Variants in CA10 observed in about 807,000 individuals in gnomAD.
CA10 encodes the protein carbonic anhydrase-related protein 10.
CA10 carries 14 observed loss-of-function variants against 44.2 expected under a neutral mutation model. That is an observed-to-expected ratio of 0.32 (90% CI 0.21 to 0.50). The LOEUF is 0.50. CA10 is among the 20% of genes least tolerant of loss of function. The probability of loss-of-function intolerance (pLI) is 0.99; values close to 1 mark genes in which losing one functional copy is unlikely to be tolerated. For synonymous variants in CA10, 159 were observed against 141.6 expected, an observed-to-expected ratio of 1.12 and a Z score of -0.87; for missense variants, 350 against 409.7, an observed-to-expected ratio of 0.85 and a Z score of 1.26.
In CA10 at chr17:51,859,355, C is replaced by T. The variant is rs1273070794; in HGVS notation, c.279+71635G>A. Among the ~76,000 whole-genome samples the T allele has an allele frequency of 3.9e-5, 6 of 152,320 alleles. No individual in the cohort carries two copies. In the East Asian group the frequency reaches 9.6e-4, roughly 24 times the overall value. ...CCTGGCCATGTCTGTAAGTGAGTGA[C>T]AGCAGGTAAACAATTGTCAGCATCC... On this transcript the variant is annotated intron_variant, in intron 3 of 8. Transcript: ENST00000451037.
At chr17:51,698,327 C>T (rs1478332100) in intron 4 of CA10, among the ~76,000 whole-genome samples, 2 of 152,226 alleles carry the variant, frequency 1.3e-5, no homozygotes, top group Admixed American at 1.3e-4. Flanking sequence ...CTGGACGAAA[C>T]AAGTCTTCTT....
intron 1 of CA10, among the ~76,000 whole-genome samples, chr17:52,091,958 C>T (rs563654346): frequency 6.6e-6 from 1 of 152,246 alleles, no homozygotes; most frequent in African/African-American, 2.4e-5. Context: ...AAGTATATGC[C>T]GCCTATGCTC....
At chr17:51,654,062 G>A (rs541898458) in intron 4 of CA10, among the ~76,000 whole-genome samples, 21 of 152,306 alleles carry the variant, frequency 1.4e-4, no homozygotes, top group African/African-American at 3.8e-4. Flanking sequence ...TATTAGGAAC[G>A]GAACTGCCCT....
At chr17:51,646,886 G>A (rs1005967481) in intron 6 of CA10, among the ~76,000 whole-genome samples, 2 of 152,180 alleles carry the variant, frequency 1.3e-5, no homozygotes, top group African/African-American at 4.8e-5. Flanking sequence ...TGTGACAAAG[G>A]TCACTACAGA....
intron 3 of CA10, among the ~76,000 whole-genome samples, chr17:51,857,045 T>C (rs77201913): frequency 0.05 from 7,625 of 152,298 alleles, 267 homozygotes; most frequent in Non-Finnish European, 0.076. Flanking sequence ...GAGCAATTCA[T>C]TTGTTTTGAG....
At chr17:52,133,683 C>T (rs1567744163) in intron 1 of CA10, among the ~76,000 whole-genome samples, 1 of 152,202 alleles carries the variant, frequency 6.6e-6, no homozygotes, top group African/African-American at 2.4e-5. Flanking sequence ...GCCATACCCT[C>T]TTCTGGCCTC....
intron 3 of CA10, among the ~76,000 whole-genome samples, chr17:51,870,002 C>G (rs1979729310): frequency 6.6e-6 from 1 of 152,178 alleles, no homozygotes; most frequent in South Asian, 2.1e-4. Context: ...GTCATCACAG[C>G]CAATCCTCAG....
intron 3 of CA10, among the ~76,000 whole-genome samples, chr17:51,849,183 GTA>G (rs56120539): frequency 0.1 from 7,483 of 73,744 alleles, 338 homozygotes; most frequent in South Asian, 0.19. Context: ...ATACATATAT[GTA>G]TATATATATA....
At chr17:51,664,004 A>T (rs1914114356) in intron 4 of CA10, among the ~76,000 whole-genome samples, 1 of 152,068 alleles carries the variant, frequency 6.6e-6, no homozygotes, top group African/African-American at 2.4e-5. Context: ...CTCTTTTAGG[A>T]TTGTTGCTAT....
At chr17:51,682,645 T>A (rs1914883610) in intron 4 of CA10, among the ~76,000 whole-genome samples, 1 of 152,212 alleles carries the variant, frequency 6.6e-6, no homozygotes, top group Non-Finnish European at 1.5e-5. Flanking sequence ...ACCCAAAGGC[T>A]TCATCCCATT....
At chr17:52,145,974 T>A (rs1989574221) in intron 1 of CA10, among the ~76,000 whole-genome samples, 1 of 152,114 alleles carries the variant, frequency 6.6e-6, no homozygotes, top group Non-Finnish European at 1.5e-5. Context: ...ACAACATATA[T>A]GCTTAAAAAC....
intron 1 of CA10, among the ~76,000 whole-genome samples, chr17:52,135,242 C>G (rs1037578845): frequency 6.6e-6 from 1 of 152,172 alleles, no homozygotes; most frequent in Non-Finnish European, 1.5e-5. Flanking sequence ...GAAACTAGCT[C>G]TTTGGAAAGA....
At chr17:51,716,982 T>A (rs146649367) in intron 4 of CA10, among the ~76,000 whole-genome samples, 112 of 152,276 alleles carry the variant, frequency 7.4e-4, no homozygotes, top group African/African-American at 2.4e-3. Context: ...ACTTGAGTAA[T>A]CTATGCAATA....
intron 1 of CA10, among the ~76,000 whole-genome samples, chr17:52,092,805 T>C (rs192161366): frequency 3.9e-5 from 6 of 152,342 alleles, no homozygotes; most frequent in African/African-American, 9.6e-5. Context: ...TTGAATACCA[T>C]GGAGCTCATC....
Position 52,035,257 on chromosome 17 carries a change from A to G in CA10, c.136+37062T>C, listed in dbSNP as rs142509379. On this transcript the variant is annotated intron_variant, in intron 2 of 8. Coordinates refer to ENST00000451037, the MANE Select transcript of CA10 (RefSeq NM_020178.5). Reference sequence around the variant, plus strand: ...GAGGAGCAGCTGGATGTCAGAGAGCAGCAGCTTGACTTCAGAGGGATGGCT... The same window carrying G: ...GAGGAGCAGCTGGATGTCAGAGAGCGGCAGCTTGACTTCAGAGGGATGGCT... Among the ~76,000 whole-genome samples, 161 of 152,302 alleles carry G rather than the reference A, an allele frequency of 1.1e-3. 2 individuals carry two copies. The highest frequency in any genetic ancestry group is 3.7e-3 in the African/African-American group (154 of 41,572).
At chr17:51,660,003 T>C (rs1429733205) in intron 4 of CA10, among the ~76,000 whole-genome samples, 2 of 152,206 alleles carry the variant, frequency 1.3e-5, no homozygotes, top group African/African-American at 4.8e-5. Context: ...CTGCATCTCA[T>C]AGAATCTTAG....
intron 2 of CA10, among the ~76,000 whole-genome samples, chr17:51,945,271 TTA>T (rs1238979779): frequency 6.6e-6 from 1 of 152,066 alleles, no homozygotes; most frequent in East Asian, 1.9e-4. Flanking sequence ...AGACGGCATT[TTA>T]TGTGTCATGA....
intron 1 of CA10, among the ~76,000 whole-genome samples, chr17:52,146,465 C>T (rs990544549): frequency 2.6e-4 from 39 of 151,560 alleles, no homozygotes; most frequent in African/African-American, 8.7e-4. Context: ...CTGAGGCGGG[C>T]GGATCATGAG....
intron 2 of CA10, among the ~76,000 whole-genome samples, chr17:52,003,840 G>C (rs1985510391): frequency 6.6e-6 from 1 of 151,586 alleles, no homozygotes; most frequent in Admixed American, 6.6e-5. Context: ...AATCAAATTA[G>C]TATCTATTTC....
Sources: gnomAD v4.1 joint callset for allele counts (sites outside exome capture counted in the v4.1 genomes callset) on GRCh38, gnomAD v4.1.1 for gene constraint, MANE v1.5 for transcripts, NCBI Gene and HGNC (gene_info 2026-07-23, HGNC 2026-07-21) for gene names.